The following ABAT variants were observed in gnomAD, a reference collection of about 807,000 sequenced individuals.
ABAT encodes 4-aminobutyrate aminotransferase.
Under a neutral mutation model 64.6 loss-of-function variants are expected in ABAT, and 45 were observed. The ratio of observed to expected loss-of-function variants is 0.70; its 90% CI spans 0.55 to 0.89. The LOEUF (loss-of-function observed/expected upper bound fraction) is 0.89, where lower values mean the gene tolerates loss of function less well. Among genes scored for constraint, ABAT ranks in the 40% least tolerant of loss-of-function variants. The pLI, the probability that ABAT is intolerant of heterozygous loss-of-function variation, is 0.00. For synonymous variants in ABAT, 297 were observed against 250.5 expected, an observed-to-expected ratio of 1.19 and a Z score of -1.75; for missense variants, 633 against 658.4, an observed-to-expected ratio of 0.96 and a Z score of 0.42.
intron 2 of ABAT, chr16:8,736,394 T>G (rs559757734): frequency 2.5e-5 from 4 of 160,440 alleles, no homozygotes; most frequent in Admixed American, 1.2e-4. Flanking sequence ...CTCGGTCTGA[T>G]GGGATTGGAT....
chr16:8,730,892 T>TA (rs985138695), intron 1 of ABAT, among the ~76,000 whole-genome samples: 10 of 152,046 alleles, frequency 6.6e-5, no homozygotes, highest in Non-Finnish European at 8.8e-5. Flanking sequence ...TGGCTTCTTT[T>TA]AAAAAAAATA....
chr16:8,722,740 G>A, intron 1 of ABAT: 1 of 1,141,484 alleles, frequency 8.8e-7, no homozygotes, highest in South Asian at 1.3e-5. Flanking sequence ...TTCTAACCAG[G>A]AATCCTTCAC....
intron 5 of ABAT, among the ~76,000 whole-genome samples, chr16:8,755,639 G>C (rs543245235): frequency 4.6e-5 from 7 of 152,092 alleles, no homozygotes; most frequent in Admixed American, 1.3e-4. Context: ...GGCCGGGTTC[G>C]GTGGCTCACA....
intron 14 of ABAT, among the ~76,000 whole-genome samples, chr16:8,778,314 G>A (rs373712329): frequency 1.1e-4 from 16 of 152,262 alleles, no homozygotes; most frequent in South Asian, 1.0e-3. Context: ...GCTCCTTCTC[G>A]AGGCTCTGGG....
At chr16:8,742,099 T>C (rs2059178205) in intron 2 of ABAT, among the ~76,000 whole-genome samples, 1 of 152,232 alleles carries the variant, frequency 6.6e-6, no homozygotes, top group African/African-American at 2.4e-5. Flanking sequence ...GCCTTGGACC[T>C]GTCCTCAGCA....
chr16:8,699,630 C>T (rs1222543111), intron 1 of ABAT, among the ~76,000 whole-genome samples: 5 of 151,450 alleles, frequency 3.3e-5, no homozygotes, highest in East Asian at 2.0e-4. Context: ...GGTGTGATCT[C>T]GGCTCACTGC....
intron 5 of ABAT, among the ~76,000 whole-genome samples, chr16:8,751,864 C>G (rs1369761071): frequency 6.6e-6 from 1 of 152,234 alleles, no homozygotes; most frequent in African/African-American, 2.4e-5. Context: ...GGCACACAGA[C>G]AGGATGGACA....
At chr16:8,772,252 CTGTGTGTG>C (rs55677241) in intron 11 of ABAT, among the ~76,000 whole-genome samples, 6,210 of 147,868 alleles carry the variant, frequency 0.042, 158 homozygotes, top group African/African-American at 0.064. Context: ...CTCTCTGTCT[CTGTGTGTG>C]TGTGTGTGTG....
chr16:8,750,202 A>AAAT (rs34994165), intron 4 of ABAT, among the ~76,000 whole-genome samples: 58,715 of 151,932 alleles, frequency 0.39, 11,385 homozygotes, highest in Middle Eastern at 0.53. Flanking sequence ...ACATACAGAA[A>AAAT]AATTCATAAA....
intron 1 of ABAT, among the ~76,000 whole-genome samples, chr16:8,696,616 T>C (rs1304155948): frequency 1.3e-5 from 2 of 152,016 alleles, no homozygotes; most frequent in African/African-American, 4.8e-5. Flanking sequence ...CGAGACTCTG[T>C]CTCAAAAAAA....
chr16:8,771,210 A>G (rs149324895), intron 11 of ABAT, among the ~76,000 whole-genome samples: 16,045 of 151,502 alleles, frequency 0.11, 1,475 homozygotes, highest in African/African-American at 0.25. Flanking sequence ...CAGGAGAATC[A>G]CTTGAACCCG....
intron 3 of ABAT, among the ~76,000 whole-genome samples, chr16:8,747,476 A>C (rs2059366980): frequency 6.6e-6 from 1 of 152,214 alleles, no homozygotes; most frequent in African/African-American, 2.4e-5. Context: ...GATAGATTTT[A>C]ATCTAGTAGT....
chr16:8,728,907 G>A (rs980647011), intron 1 of ABAT, among the ~76,000 whole-genome samples: 2 of 152,142 alleles, frequency 1.3e-5, no homozygotes, highest in Non-Finnish European at 2.9e-5. Context: ...GTTAATTCAT[G>A]GCCACACTTT....
intron 11 of ABAT, among the ~76,000 whole-genome samples, 180 bp downstream of exon 11, chr16:8,769,153 G>A (rs7200886): frequency 0.011 from 1,749 of 152,302 alleles, 35 homozygotes; most frequent in African/African-American, 0.039. Context: ...GGGAGAGTTC[G>A]TGAGACACAC....
rs147807104 is a variant in ABAT, at chr16:8,752,478, G to T, written c.316+1939G>T. Among the ~76,000 whole-genome samples, 568 of 152,322 alleles carry T rather than the reference G, an allele frequency of 3.7e-3. 6 individuals carry two copies. The highest frequency in any genetic ancestry group is 0.013 in the African/African-American group (537 of 41,554). ...ATTTGTTTAAAAAACTAGAAGTTTGGTCGGGCACGGTGGAGCACGCTGATA... is the reference window on the plus strand; with the variant it reads ...ATTTGTTTAAAAAACTAGAAGTTTGTTCGGGCACGGTGGAGCACGCTGATA... On this transcript the variant is annotated intron_variant, in intron 5 of 15. Coordinates refer to ENST00000268251, the MANE Select transcript of ABAT (RefSeq NM_020686.6).
chr16:8,704,072 G>A (rs967673227), intron 1 of ABAT, among the ~76,000 whole-genome samples: 1 of 152,140 alleles, frequency 6.6e-6, no homozygotes, highest in Non-Finnish European at 1.5e-5. Flanking sequence ...ACTATCTTGG[G>A]ATGAGTCGAG....
rs2059319841 is a variant in ABAT at position 8,746,082 on chromosome 16, C to G, written c.152C>G (p.Pro51Arg). The G allele has an allele frequency of 6.2e-7, 1 of 1,613,522 alleles. No homozygotes were observed. The highest frequency in any genetic ancestry group is 1.3e-5 in the African/African-American group (1 of 74,988). Reference protein sequence around the residue: ...YDGPLMKTEVPGPRSQELMKQ... With the variant: ...YDGPLMKTEVRGPRSQELMKQ... ...GGGCCTCTGATGAAGACGGAAGTCCCAGGGCCTAGATCTCAGGTGAGTTGA... is the reference window on the plus strand; with the variant it reads ...GGGCCTCTGATGAAGACGGAAGTCCGAGGGCCTAGATCTCAGGTGAGTTGA... The change falls in exon 3 of 16, where the codon CCA (proline) becomes CGA (arginine). Residue 51 changes from proline (P) to arginine (R), a missense_variant. By Grantham distance (103) the Pro-to-Arg change is moderately radical. Transcript: ENST00000268251.
At chr16:8,720,213 T>A (rs1038139418) in intron 1 of ABAT, among the ~76,000 whole-genome samples, 1 of 152,212 alleles carries the variant, frequency 6.6e-6, no homozygotes, top group Non-Finnish European at 1.5e-5. Context: ...CCTAAGCCAG[T>A]TGAGTGCCTC....
intron 2 of ABAT, chr16:8,736,613 A>G (rs1393573186): frequency 6.6e-6 from 1 of 152,356 alleles, no homozygotes; most frequent in Non-Finnish European, 1.5e-5. Context: ...CATCTTAGGA[A>G]TGTCTCACCC....
Sources: allele counts gnomAD v4.1 joint callset (sites outside exome capture counted in the v4.1 genomes callset), GRCh38; gene constraint gnomAD v4.1.1; transcripts MANE v1.5; gene names NCBI Gene and HGNC (gene_info 2026-07-23, HGNC 2026-07-21).